PPARGC1A: variants seen among roughly 807,000 people sequenced by gnomAD.
The protein encoded by PPARGC1A is PPARG coactivator 1 alpha.
PPARGC1A carries 25 observed loss-of-function variants against 88.7 expected under a neutral mutation model. That is an observed-to-expected ratio of 0.28 (90% confidence interval 0.21 to 0.39). The LOEUF (loss-of-function observed/expected upper bound fraction) is 0.39, where lower values mean the gene tolerates loss of function less well. Among genes scored for constraint, PPARGC1A ranks in the 10% least tolerant of loss-of-function variants. The pLI is 1.00. For synonymous variants in PPARGC1A, 363 were observed against 355.6 expected (o/e 1.02, Z -0.24); for missense variants, 880 against 968.7 (o/e 0.91, Z 1.22).
the PPARGC1A span, among the ~76,000 whole-genome samples, chr4:24,403,394 C>T: frequency 6.6e-6 from 1 of 152,206 alleles, no homozygotes; most frequent in Non-Finnish European, 1.5e-5. Context: ...AAGGTTTTTG[C>T]TAGCTTTGAA....
At chr4:24,373,111 C>T in the PPARGC1A span, among the ~76,000 whole-genome samples, 115 of 152,288 alleles carry the variant, frequency 7.6e-4, no homozygotes, top group Non-Finnish European at 1.4e-3. Context: ...CAAGTGTGAA[C>T]TCACAAAACT....
At chr4:23,997,624 C>T in the PPARGC1A span, among the ~76,000 whole-genome samples, 1 of 151,200 alleles carries the variant, frequency 6.6e-6, no homozygotes, top group South Asian at 2.1e-4. Flanking sequence ...TGCTCAGCCT[C>T]CCGAGTAGCT....
the PPARGC1A span, among the ~76,000 whole-genome samples, chr4:24,261,983 A>C: frequency 1.3e-5 from 2 of 152,230 alleles, no homozygotes; most frequent in African/African-American, 4.8e-5. Context: ...ATGAAAGGTA[A>C]GTTATCAACA....
chr4:23,984,954 G>T, the PPARGC1A span, among the ~76,000 whole-genome samples: 2 of 152,118 alleles, frequency 1.3e-5, no homozygotes, highest in African/African-American at 4.8e-5. Context: ...AATTAGAGTT[G>T]TCGGACGAAC....
chr4:23,988,711 A>T, the PPARGC1A span, among the ~76,000 whole-genome samples: 1 of 151,496 alleles, frequency 6.6e-6, no homozygotes, highest in African/African-American at 2.4e-5. Flanking sequence ...CATAAAAATA[A>T]TTTGCATCGT....
the PPARGC1A span, among the ~76,000 whole-genome samples, chr4:24,250,396 C>G: frequency 6.6e-6 from 1 of 152,154 alleles, no homozygotes; most frequent in Non-Finnish European, 1.5e-5. Flanking sequence ...ATTATCTGAG[C>G]TTTTAGGTTT....
the PPARGC1A span, among the ~76,000 whole-genome samples, chr4:24,381,870 T>C: frequency 6.6e-6 from 1 of 152,232 alleles, no homozygotes; most frequent in Non-Finnish European, 1.5e-5. Context: ...TGAAGAAGTT[T>C]AGAAAGAAAT....
the PPARGC1A span, among the ~76,000 whole-genome samples, chr4:24,005,967 C>T: frequency 6.6e-6 from 1 of 152,170 alleles, no homozygotes; most frequent in Admixed American, 6.6e-5. Context: ...CAGCTGGTTA[C>T]AGATCCAGAA....
chr4:24,257,314 C>T, the PPARGC1A span, among the ~76,000 whole-genome samples: 47 of 152,236 alleles, frequency 3.1e-4, no homozygotes, highest in East Asian at 8.9e-3. Context: ...GGATTACTCA[C>T]TAAAATAAGC....
chr4:24,336,701 C>T, the PPARGC1A span, among the ~76,000 whole-genome samples: 43,447 of 152,012 alleles, frequency 0.29, 6,849 homozygotes, highest in African/African-American at 0.42. Context: ...TACCAAAATA[C>T]ACTGAGTCAT....
the PPARGC1A span, among the ~76,000 whole-genome samples, chr4:23,959,836 T>C: frequency 6.6e-6 from 1 of 152,070 alleles, no homozygotes; most frequent in African/African-American, 2.4e-5. Context: ...AATATTTGGA[T>C]GCACAAGTCA....
the PPARGC1A span, among the ~76,000 whole-genome samples, chr4:24,077,534 G>C: frequency 2.7e-5 from 4 of 150,612 alleles, no homozygotes; most frequent in African/African-American, 9.8e-5. Context: ...TCAATTCTTT[G>C]CATAGGAACT....
At chr4:24,013,739 G>A in the PPARGC1A span, among the ~76,000 whole-genome samples, 5 of 152,110 alleles carry the variant, frequency 3.3e-5, no homozygotes, top group Admixed American at 3.3e-4. Context: ...TTGGCAAAAG[G>A]AAATGCAATA....
chr4:24,142,131 T>C, the PPARGC1A span, among the ~76,000 whole-genome samples: 2 of 152,144 alleles, frequency 1.3e-5, no homozygotes, highest in African/African-American at 4.8e-5. Flanking sequence ...CACATCATAG[T>C]GTTGAGGCAT....
the PPARGC1A span, among the ~76,000 whole-genome samples, chr4:23,936,901 A>T: frequency 1.3e-5 from 2 of 152,040 alleles, no homozygotes; most frequent in Non-Finnish European, 2.9e-5. Context: ...ATGTGAAAAC[A>T]AGTAAATAAA....
the PPARGC1A span, among the ~76,000 whole-genome samples, chr4:24,338,054 C>T: frequency 6.6e-6 from 1 of 152,170 alleles, no homozygotes; most frequent in South Asian, 2.1e-4. Flanking sequence ...CCTGCCTAGC[C>T]TTGCCATTTG....
At chr4:24,015,786 C>T in the PPARGC1A span, among the ~76,000 whole-genome samples, 1 of 152,138 alleles carries the variant, frequency 6.6e-6, no homozygotes, top group Non-Finnish European at 1.5e-5. Context: ...CAGAGAAAGC[C>T]TTGCCCAAAG....
At chr4:24,254,033 ATGTATTC>A in the PPARGC1A span, among the ~76,000 whole-genome samples, 1 of 152,196 alleles carries the variant, frequency 6.6e-6, no homozygotes, top group South Asian at 2.1e-4. Context: ...CATCGTCATC[ATGTATTC>A]AATAAATATT....
chr4:24,183,962 A>T, the PPARGC1A span, among the ~76,000 whole-genome samples: 1 of 152,242 alleles, frequency 6.6e-6, no homozygotes, highest in African/African-American at 2.4e-5. Flanking sequence ...CAAAAAAGTA[A>T]AACAAAGCTG....
Sources: allele counts gnomAD v4.1 joint callset (sites outside exome capture counted in the v4.1 genomes callset), GRCh38; gene constraint gnomAD v4.1.1; transcripts MANE v1.5; gene names NCBI Gene and HGNC (gene_info 2026-07-23, HGNC 2026-07-21).